The following OR10J1 variants were observed in gnomAD, a reference collection of about 807,000 sequenced individuals.
OR10J1 encodes the protein olfactory receptor family 10 subfamily J member 1, also known as olfactory receptor 10J1.
For synonymous variants in OR10J1, 202 were observed against 143.8 expected (o/e 1.40, Z -2.89); for missense variants, 474 against 376.6 (o/e 1.26, Z -2.14).
the OR10J1 span, among the ~76,000 whole-genome samples, chr1:159,426,343 G>T: frequency 6.6e-6 from 1 of 151,642 alleles, no homozygotes; most frequent in African/African-American, 2.4e-5. Flanking sequence ...AAAATAAAGA[G>T]GCTGAAAATG....
chr1:159,410,380 G>A, the OR10J1 span, among the ~76,000 whole-genome samples: 1 of 152,134 alleles, frequency 6.6e-6, no homozygotes, highest in Non-Finnish European at 1.5e-5. Flanking sequence ...TTCAGAGCCT[G>A]TAATTGGTCT....
the OR10J1 span, among the ~76,000 whole-genome samples, chr1:159,412,739 A>G: frequency 2.0e-5 from 3 of 151,966 alleles, no homozygotes; most frequent in Non-Finnish European, 4.4e-5. Context: ...AAACCCTAGA[A>G]GAAAACCTAG....
chr1:159,433,571 A>G (rs1265300534), upstream of OR10J1, among the ~76,000 whole-genome samples: 2 of 152,154 alleles, frequency 1.3e-5, no homozygotes, highest in Non-Finnish European at 2.9e-5. Flanking sequence ...TGAAGATGGG[A>G]CCAACTCTAG....
At chr1:159,423,928 G>A in the OR10J1 span, among the ~76,000 whole-genome samples, 1 of 152,184 alleles carries the variant, frequency 6.6e-6, no homozygotes, top group South Asian at 2.1e-4. Context: ...CAGCCAAGGT[G>A]GTTTCTAACA....
the OR10J1 span, among the ~76,000 whole-genome samples, chr1:159,407,079 C>T: frequency 8.2e-4 from 125 of 152,208 alleles, no homozygotes; most frequent in Non-Finnish European, 1.7e-3. Flanking sequence ...TGTCATTTCA[C>T]ACATAAGTGA....
Position 159,439,777 on chromosome 1 carries a change from T to C in OR10J1, c.-15T>C. On this transcript the variant is annotated 5_prime_UTR_variant, in exon 1 of 1. Transcript: ENST00000423932. The stretch of plus-strand genomic sequence containing the variant: ...GACTTTTATGCTTTTATGTTTCAGA[T>C]TTGGGAACCAATCCATGAAAAGAGA... 6.2e-7 allele frequency: 1 copy of C among 1,613,866 alleles called. No homozygotes were observed.
upstream of OR10J1, among the ~76,000 whole-genome samples, chr1:159,439,035 G>C (rs73031627): frequency 0.096 from 14,554 of 152,236 alleles, 2,303 homozygotes; most frequent in African/African-American, 0.33. Context: ...GGAAGGTAAA[G>C]ATGTAGCATA....
rs185879913 is a variant in OR10J1, at chr1:159,440,247, G to A, written c.456G>A (p.Gly152=). ...IQLVLGACSI[G]LIVAITQVTS... is the part of the protein sequence containing the mutation. ...TTGTCCTGGGGGCCTGCAGCATTGG[G>A]CTGATTGTAGCAATAACGCAAGTGA... The change falls in exon 1 of 1, where the codon GGG becomes GGA. Residue 152 remains glycine, a synonymous_variant. Transcript: ENST00000423932. The A allele has an allele frequency of 5.1e-5, 82 of 1,614,140 alleles. No homozygotes were observed. The East Asian group carries it at 1.7e-3, about 33-fold the overall frequency.
the OR10J1 span, among the ~76,000 whole-genome samples, chr1:159,403,357 C>T: frequency 2.0e-4 from 31 of 152,168 alleles, no homozygotes; most frequent in East Asian, 2.7e-3. Context: ...TATTCTCAAA[C>T]GATCCACGTG....
At chr1:159,425,326 C>T in the OR10J1 span, among the ~76,000 whole-genome samples, 1 of 152,128 alleles carries the variant, frequency 6.6e-6, no homozygotes, top group Admixed American at 6.5e-5. Flanking sequence ...GCACTATAAT[C>T]ATGCAGCAGT....
chr1:159,418,851 A>C, the OR10J1 span, among the ~76,000 whole-genome samples: 2 of 152,226 alleles, frequency 1.3e-5, no homozygotes, highest in South Asian at 4.1e-4. Flanking sequence ...GGAGCTGCCC[A>C]AGATCATGGG....
chr1:159,427,222 T>A, the OR10J1 span, among the ~76,000 whole-genome samples: 19 of 151,796 alleles, frequency 1.3e-4, no homozygotes, highest in African/African-American at 4.6e-4. Context: ...GCTTTATATA[T>A]TTACTGGAAA....
At chr1:159,418,306 G>A in the OR10J1 span, among the ~76,000 whole-genome samples, 2 of 152,126 alleles carry the variant, frequency 1.3e-5, no homozygotes, top group African/African-American at 4.8e-5. Context: ...CCACAGGCCA[G>A]GAGGCTTAGG....
chr1:159,418,684 C>T, the OR10J1 span, among the ~76,000 whole-genome samples: 3 of 152,182 alleles, frequency 2.0e-5, no homozygotes, highest in East Asian at 5.8e-4. Flanking sequence ...GGGACACTGG[C>T]TAGTGGAGCT....
the OR10J1 span, among the ~76,000 whole-genome samples, chr1:159,420,145 G>C: frequency 5.4e-3 from 823 of 152,050 alleles, 12 homozygotes; most frequent in African/African-American, 0.019. Context: ...GTTTTTTCCT[G>C]CTCACTTTGG....
the OR10J1 span, among the ~76,000 whole-genome samples, chr1:159,429,231 T>C: frequency 1.3e-5 from 2 of 152,138 alleles, no homozygotes; most frequent in Non-Finnish European, 2.9e-5. Context: ...ACACTACAGG[T>C]GTAGTGTTCC....
the OR10J1 span, among the ~76,000 whole-genome samples, chr1:159,401,805 C>T: frequency 3.3e-5 from 5 of 152,042 alleles, no homozygotes; most frequent in African/African-American, 1.2e-4. Flanking sequence ...AAGAAAACTA[C>T]AAGCCAATAT....
upstream of OR10J1, among the ~76,000 whole-genome samples, chr1:159,436,664 G>C (rs184281283): frequency 6.8e-6 from 1 of 146,574 alleles, no homozygotes; most frequent in Non-Finnish European, 1.5e-5. Flanking sequence ...AATGGTTAGC[G>C]GTTTTAAAAA....
chr1:159,401,552 A>G, the OR10J1 span, among the ~76,000 whole-genome samples: 1 of 152,050 alleles, frequency 6.6e-6, no homozygotes, highest in Non-Finnish European at 1.5e-5. Context: ...TTGAACCAAG[A>G]AGAAATAAAA....
Sources: gnomAD v4.1 joint callset for allele counts (sites outside exome capture counted in the v4.1 genomes callset) on GRCh38, gnomAD v4.1.1 for gene constraint, MANE v1.5 for transcripts, NCBI Gene and HGNC (gene_info 2026-07-23, HGNC 2026-07-21) for gene names.